Variants in PPP2R2C observed in about 807,000 individuals in gnomAD.
PPP2R2C encodes the protein protein phosphatase 2, regulatory subunit B, gamma.
In PPP2R2C, 10 loss-of-function variants were observed where a neutral mutation model predicts 45.3. The observed-to-expected ratio is 0.22, with a 90% CI of 0.14 to 0.37. The LOEUF (loss-of-function observed/expected upper bound fraction) is 0.37. Among genes scored for constraint, PPP2R2C ranks in the 10% least tolerant of loss-of-function variants. The pLI, the probability that PPP2R2C is intolerant of heterozygous loss-of-function variation, is 1.00. For synonymous variants in PPP2R2C, 257 were observed against 245.4 expected, an observed-to-expected ratio of 1.05 and a Z score of -0.44; for missense variants, 308 against 619.7, an observed-to-expected ratio of 0.50 and a Z score of 5.34.
rs114039014 is a variant in PPP2R2C at position 6,332,089 on chromosome 4, C to T, written c.960+1473G>A. Among the ~76,000 whole-genome samples, 1,814 of 152,282 alleles carry T rather than the reference C, an allele frequency of 0.012. 29 individuals carry two copies. Among genetic ancestry groups the T allele is most frequent in the African/African-American group, 0.04 (1,676 of 41,552 alleles). On this transcript the variant is annotated intron_variant, in intron 7 of 8. Transcript: ENST00000382599. This position sits in a 1 kb window ranked among gnomAD's most constrained non-coding sequence, Gnocchi z 4.9. Reference sequence around the variant, plus strand: ...CATGAGAATTTCAGAAAGCTGTGTCCCCCTCCCCCTGAAAATGCTCATAGA... The same window carrying T: ...CATGAGAATTTCAGAAAGCTGTGTCTCCCTCCCCCTGAAAATGCTCATAGA...
At chr4:6,356,296 G>A (rs938321285) in intron 5 of PPP2R2C, among the ~76,000 whole-genome samples, 1 of 152,200 alleles carries the variant, frequency 6.6e-6, no homozygotes, top group East Asian at 1.9e-4. Context: ...GACTAGCTTC[G>A]CATCTGTAGC....
rs992193849 is a variant in PPP2R2C, at chr4:6,329,569, G to C, written c.961-216C>G. The stretch of plus-strand genomic sequence containing the variant: ...CATGACCAGGCACACGGCTGACCCC[G>C]ACCGTGACACAGCCCAATACAGCCC... On this transcript the variant is annotated intron_variant, in intron 7 of 8. Transcript: ENST00000382599. This position sits in a 1 kb window ranked among gnomAD's most constrained non-coding sequence, Gnocchi z 5.8. Among the ~76,000 whole-genome samples the C allele has an allele frequency of 6.8e-6, 1 of 148,124 alleles. No individual in the cohort carries two copies. The highest frequency in any genetic ancestry group is 6.7e-5 in the Admixed American group (1 of 14,924).
chr4:6,529,138 G>A (rs1166737691), intron 2 of PPP2R2C, among the ~76,000 whole-genome samples: 2 of 152,246 alleles, frequency 1.3e-5, no homozygotes, highest in African/African-American at 4.8e-5. Flanking sequence ...GCTGGAGGAC[G>A]AGGGGCTGCT....
chr4:6,446,525 G>T (rs1315343813), intron 1 of PPP2R2C, among the ~76,000 whole-genome samples: 1 of 152,100 alleles, frequency 6.6e-6, no homozygotes, highest in Admixed American at 6.5e-5. Context: ...TCTTCTCAAG[G>T]TGGCATAAAA....
At chr4:6,485,168 G>A (rs1165156752) in intron 2 of PPP2R2C, among the ~76,000 whole-genome samples, 1 of 151,830 alleles carries the variant, frequency 6.6e-6, no homozygotes, top group Non-Finnish European at 1.5e-5. Context: ...TGAGATGATA[G>A]CATAGGTTTT....
At chr4:6,498,297 T>G (rs1361681584) in intron 2 of PPP2R2C, among the ~76,000 whole-genome samples, 3 of 152,218 alleles carry the variant, frequency 2.0e-5, no homozygotes, top group Non-Finnish European at 2.9e-5. Flanking sequence ...CCTATATCTT[T>G]GTGATGCAAC....
intron 2 of PPP2R2C, among the ~76,000 whole-genome samples, chr4:6,479,744 T>A (rs1405524374): frequency 6.6e-6 from 1 of 151,990 alleles, no homozygotes; most frequent in Non-Finnish European, 1.5e-5. Flanking sequence ...TTTTTTTTTT[T>A]GTATTTTATT....
intron 1 of PPP2R2C, among the ~76,000 whole-genome samples, chr4:6,447,548 C>A (rs1036669358): frequency 2.1e-5 from 3 of 141,074 alleles, no homozygotes; most frequent in Non-Finnish European, 1.6e-5. Context: ...ACTCACATGC[C>A]AGCAAAGATG....
intron 1 of PPP2R2C, among the ~76,000 whole-genome samples, chr4:6,469,747 C>T (rs1050145241): frequency 2.0e-5 from 3 of 152,240 alleles, no homozygotes; most frequent in African/African-American, 7.2e-5. Context: ...ACATTCAAAT[C>T]TGTGACCTTC....
chr4:6,349,527 G>T, intron 5 of PPP2R2C: 3 of 985,350 alleles, frequency 3.0e-6, no homozygotes, highest in Non-Finnish European at 3.6e-6. Flanking sequence ...AAATCCATCT[G>T]CCCTCCCTCT....
At chr4:6,396,029 G>A (rs1717007151) in intron 1 of PPP2R2C, among the ~76,000 whole-genome samples, 1 of 152,206 alleles carries the variant, frequency 6.6e-6, no homozygotes, top group Non-Finnish European at 1.5e-5. Context: ...AGTGGGACCT[G>A]GGTCACCGGG....
intron 1 of PPP2R2C, among the ~76,000 whole-genome samples, chr4:6,418,151 G>A (rs1251781172): frequency 6.6e-6 from 1 of 152,194 alleles, no homozygotes; most frequent in Non-Finnish European, 1.5e-5. Context: ...ACGGTGCTGG[G>A]ACAGGAAGGA....
chr4:6,499,375 T>C (rs567005972), intron 2 of PPP2R2C, among the ~76,000 whole-genome samples: 1 of 152,108 alleles, frequency 6.6e-6, no homozygotes, highest in Non-Finnish European at 1.5e-5. Context: ...CACCCCATCC[T>C]TCTCTCCCTT....
intron 1 of PPP2R2C, among the ~76,000 whole-genome samples, chr4:6,422,382 C>A (rs1182916347): frequency 6.6e-6 from 1 of 152,220 alleles, no homozygotes; most frequent in Admixed American, 6.5e-5. Context: ...AACGAGTTCA[C>A]CTCTCTGAGC....
chr4:6,416,962 G>A (rs1327994263), intron 1 of PPP2R2C, among the ~76,000 whole-genome samples: 2 of 152,148 alleles, frequency 1.3e-5, no homozygotes, highest in Non-Finnish European at 2.9e-5. Flanking sequence ...CTTCCTGGGG[G>A]AGAACAGCCA....
At chr4:6,543,246 A>T (rs1161318259) in intron 1 of PPP2R2C, among the ~76,000 whole-genome samples, 2 of 152,198 alleles carry the variant, frequency 1.3e-5, no homozygotes, top group Non-Finnish European at 2.9e-5. Flanking sequence ...AACTCGGCTC[A>T]GCTCTCCCTC....
intron 8 of PPP2R2C, among the ~76,000 whole-genome samples, chr4:6,325,304 T>C (rs1033989757): frequency 2.0e-5 from 3 of 152,184 alleles, no homozygotes; most frequent in African/African-American, 7.2e-5. Flanking sequence ...TACCAGGTAC[T>C]CCTCGATCCT....
In PPP2R2C at chr4:6,456,284, G is replaced by A. The variant is rs926616059; in HGVS notation, c.70+15876C>T. 3.5e-5 allele frequency among the ~76,000 whole-genome samples: 5 copies of A among 140,988 alleles called. 1 individual carries two copies. The highest frequency in any genetic ancestry group is 1.4e-4 in the African/African-American group (5 of 36,624). 92.5% of individuals were successfully genotyped at this position (140,988 alleles called of 152,430 possible). On this transcript the variant is annotated intron_variant, in intron 1 of 8. Transcript: ENST00000382599. ...ACAAAATGTGAGCAGTGTTTCTGGA[G>A]TAGTGAAATGAAGGATGTTATTTCC...
chr4:6,494,611 G>A (rs992931254), intron 2 of PPP2R2C, among the ~76,000 whole-genome samples: 6 of 152,196 alleles, frequency 3.9e-5, no homozygotes, highest in African/African-American at 9.6e-5. Flanking sequence ...TCACAGCCCA[G>A]GTGGAGGCCA....
Sources: gnomAD v4.1 joint callset for allele counts (sites outside exome capture counted in the v4.1 genomes callset) on GRCh38, gnomAD v4.1.1 for gene constraint, Gnocchi (gnomAD v3.1) non-coding constraint, MANE v1.5 for transcripts, NCBI Gene and HGNC (gene_info 2026-07-23, HGNC 2026-07-21) for gene names.